Variants in SORBS2 observed in about 807,000 individuals in gnomAD.
SORBS2 encodes the protein sorbin and SH3 domain containing 2, also known as sorbin and SH3 domain-containing protein 2.
Under a neutral mutation model 97.7 loss-of-function variants are expected in SORBS2, and 46 were observed. The ratio of observed to expected loss-of-function variants is 0.47; its 90% CI spans 0.37 to 0.60. SORBS2 has a LOEUF of 0.60. SORBS2 is among the 20% of genes least tolerant of loss of function. SORBS2 has a pLI of 0.00. For synonymous variants in SORBS2, 476 were observed against 473.4 expected (o/e 1.01, Z -0.07); for missense variants, 1,316 against 1,282.3 (o/e 1.03, Z -0.40).
intron 1 of SORBS2, among the ~76,000 whole-genome samples, chr4:185,884,960 A>G (rs1045810783): frequency 6.6e-6 from 1 of 152,244 alleles, no homozygotes; most frequent in Non-Finnish European, 1.5e-5. Context: ...GGCACGGCAT[A>G]AATTGATACA....
At chr4:185,678,526 C>T in exon 4 of SORBS2, 1 of 1,547,148 alleles carries the variant, frequency 6.5e-7, no homozygotes, top group Admixed American at 2.0e-5. Context: ...CTCCTGATTG[C>T]CATCATTGTA....
At chr4:185,954,592 T>C (rs1191624732) in intron 1 of SORBS2, among the ~76,000 whole-genome samples, 1 of 152,200 alleles carries the variant, frequency 6.6e-6, no homozygotes, top group African/African-American at 2.4e-5. Context: ...AGTAAATAAA[T>C]GAATACTGAA....
chr4:185,824,221 C>T (rs942575849), intron 1 of SORBS2, among the ~76,000 whole-genome samples: 8 of 152,290 alleles, frequency 5.3e-5, no homozygotes, highest in Non-Finnish European at 8.8e-5. Context: ...CCTTGCCTCT[C>T]GCTACTCCTG....
chr4:185,695,529 T>C (rs1447336462), intron 2 of SORBS2, among the ~76,000 whole-genome samples: 1 of 152,024 alleles, frequency 6.6e-6, no homozygotes, highest in East Asian at 1.9e-4. Context: ...AGAGATGTAT[T>C]TTAAACATGA....
At chr4:185,765,227 T>C (rs2098927457) in intron 2 of SORBS2, among the ~76,000 whole-genome samples, 1 of 152,198 alleles carries the variant, frequency 6.6e-6, no homozygotes, top group Admixed American at 6.5e-5. Flanking sequence ...AAAGTAGTTA[T>C]CTATGGTCAC....
Position 185,662,252 on chromosome 4 carries a change from G to A in SORBS2, c.-45-10C>T, listed in dbSNP as rs956726211. ...TCACTGTTATCTGGCTCTGAGAAAA[G>A]CGCAAAGGCATCGAGTTAAATTAGC... On this transcript the variant is annotated splice_polypyrimidine_tract_variant and intron_variant, in intron 4 of 20. Coordinates refer to the SORBS2 transcript ENST00000284776. The A allele has an allele frequency of 9.4e-6, 15 of 1,596,448 alleles. No homozygotes were observed. The Admixed American group carries it at 1.8e-4, about 19-fold the overall frequency.
At chr4:185,798,443 G>GA (rs2099115692) in intron 1 of SORBS2, among the ~76,000 whole-genome samples, 5 of 151,886 alleles carry the variant, frequency 3.3e-5, no homozygotes, top group Middle Eastern at 3.4e-3. Context: ...TTTAAACAAA[G>GA]AAAAAAAGAT....
intron 2 of SORBS2, among the ~76,000 whole-genome samples, chr4:185,717,323 T>C: frequency 7.0e-6 from 1 of 142,004 alleles, no homozygotes; most frequent in East Asian, 1.9e-4. Context: ...CTGGACATAA[T>C]TTTTTTCTGT....
At chr4:185,609,190 C>T (rs2096490532) in intron 12 of SORBS2, among the ~76,000 whole-genome samples, 1 of 152,116 alleles carries the variant, frequency 6.6e-6, no homozygotes, top group African/African-American at 2.4e-5. Flanking sequence ...ATGATATAAA[C>T]CACTCAAGTC....
At chr4:185,756,941 G>A (rs565709129) in intron 2 of SORBS2, 107 of 1,459,494 alleles carry the variant, frequency 7.3e-5, no homozygotes, top group Non-Finnish European at 9.4e-5. Context: ...TCTGGGTAAG[G>A]GAAAAAGCAT....
At chr4:185,747,330 A>T (rs2098768379) in intron 2 of SORBS2, among the ~76,000 whole-genome samples, 1 of 152,220 alleles carries the variant, frequency 6.6e-6, no homozygotes, top group Non-Finnish European at 1.5e-5. Flanking sequence ...GCCCAAGCAG[A>T]CTAATACAAC....
In SORBS2 at chr4:185,673,246, A is replaced by G. The variant is rs114775986; in HGVS notation, c.-46+5177T>C. 2.0e-3 allele frequency among the ~76,000 whole-genome samples: 299 copies of G among 152,334 alleles called. 2 individuals carry two copies. Among genetic ancestry groups the G allele is most frequent in the Non-Finnish European group, 3.6e-3 (243 of 68,022 alleles). ...TGAATAAATCCTAGAGATCTGCTGC[A>G]CTGCATGGTGCCTACAGTTAACAAT... is the stretch of plus-strand genomic sequence containing the variant. On this transcript the variant is annotated intron_variant, in intron 4 of 20. Transcript: ENST00000284776.
At chr4:185,943,843 A>G (rs1288839149) in intron 1 of SORBS2, among the ~76,000 whole-genome samples, 1 of 152,216 alleles carries the variant, frequency 6.6e-6, no homozygotes, top group African/African-American at 2.4e-5. Flanking sequence ...CTAGGAGTGA[A>G]GTACGTCATG....
At chr4:185,858,026 T>A (rs1480471430) in intron 1 of SORBS2, among the ~76,000 whole-genome samples, 1 of 152,192 alleles carries the variant, frequency 6.6e-6, no homozygotes, top group African/African-American at 2.4e-5. Flanking sequence ...TCCCTGTTCA[T>A]ACATCCCCTC....
At chr4:185,697,475 C>CA (rs2098193432) in intron 2 of SORBS2, among the ~76,000 whole-genome samples, 1 of 152,180 alleles carries the variant, frequency 6.6e-6, no homozygotes, top group Non-Finnish European at 1.5e-5. Context: ...TTTTCCCCCC[C>CA]ACACATTGCC....
At chr4:185,678,229 C>A (rs979948870) in intron 4 of SORBS2, among the ~76,000 whole-genome samples, 194 bp downstream of exon 7, 1 of 152,120 alleles carries the variant, frequency 6.6e-6, no homozygotes, top group Admixed American at 6.5e-5. Flanking sequence ...GAAACAAAAC[C>A]AAACCAAACC....
intron 1 of SORBS2, among the ~76,000 whole-genome samples, chr4:185,898,962 A>G (rs2099246270): frequency 6.6e-6 from 1 of 152,204 alleles, no homozygotes; most frequent in African/African-American, 2.4e-5. Flanking sequence ...CACAAAACCT[A>G]TCATGCTTTG....
rs904860503 is a variant in SORBS2 at position 185,700,093 on chromosome 4, A to G, written c.-197-21271T>C. 2.6e-5 allele frequency among the ~76,000 whole-genome samples: 4 copies of G among 152,254 alleles called. No homozygotes were observed. The South Asian group carries it at 8.3e-4, about 32-fold the overall frequency. The stretch of plus-strand genomic sequence containing the variant: ...TAATAAGTAGAAAGATGATCTTGAC[A>G]GGCTGAATTAAATTTGGCTAAACTA... On this transcript the variant is annotated intron_variant, in intron 2 of 20. Coordinates refer to the SORBS2 transcript ENST00000284776.
intron 1 of SORBS2, among the ~76,000 whole-genome samples, chr4:185,799,732 T>C (rs987149482): frequency 2.6e-5 from 4 of 152,196 alleles, no homozygotes; most frequent in African/African-American, 7.2e-5. Context: ...AGACCTTCTT[T>C]GCGTCAGATG....
Sources: gnomAD v4.1 joint callset for allele counts (sites outside exome capture counted in the v4.1 genomes callset) on GRCh38, gnomAD v4.1.1 for gene constraint, MANE v1.5 for transcripts, NCBI Gene and HGNC (gene_info 2026-07-23, HGNC 2026-07-21) for gene names.